Variants in ST3GAL4 observed in about 807,000 individuals in gnomAD.
ST3GAL4 encodes ST3 beta-galactoside alpha-2,3-sialyltransferase 4.
ST3GAL4 carries 24 observed loss-of-function variants against 42.6 expected under a neutral mutation model. That is an observed-to-expected ratio of 0.56 (90% CI 0.41 to 0.79). The LOEUF is 0.79. Ranked by LOEUF, ST3GAL4 falls within the 30% of genes least tolerant of loss-of-function variation. The pLI, the probability that ST3GAL4 is intolerant of heterozygous loss-of-function variation, is 0.00. For synonymous variants in ST3GAL4, 135 were observed against 163.2 expected, an observed-to-expected ratio of 0.83 and a Z score of 1.32; for missense variants, 311 against 430.8, an observed-to-expected ratio of 0.72 and a Z score of 2.46.
intron 1 of ST3GAL4, among the ~76,000 whole-genome samples, chr11:126,390,119 C>CG (rs1555086677): frequency 6.6e-6 from 1 of 151,368 alleles, no homozygotes; most frequent in African/African-American, 2.4e-5. Flanking sequence ...GGAGGCAGAG[C>CG]TGCAGTGAGC....
chr11:126,390,688 G>T (rs1953478754), intron 1 of ST3GAL4, among the ~76,000 whole-genome samples: 1 of 148,548 alleles, frequency 6.7e-6, no homozygotes, highest in Admixed American at 6.8e-5. Context: ...CAAGCACGAG[G>T]TTGTATTTAC....
rs1475490881 is a variant in ST3GAL4 at position 126,376,349 on chromosome 11, C to G, written c.-61+20507C>G. Among the ~76,000 whole-genome samples, 1 of 152,020 alleles carries G rather than the reference C, an allele frequency of 6.6e-6. No homozygotes were observed. The highest frequency in any genetic ancestry group is 1.9e-4 in the East Asian group (1 of 5,198). Reference sequence around the variant, plus strand: ...AGAAGTGAATTGGGAAACAGAAAACCGAAAGAGGTTTAGTGGCCCAATGAC... The same window carrying G: ...AGAAGTGAATTGGGAAACAGAAAACGGAAAGAGGTTTAGTGGCCCAATGAC... On this transcript the variant is annotated intron_variant, in intron 1 of 10. Transcript: ENST00000444328. This position sits in a 1 kb window ranked among gnomAD's most constrained non-coding sequence, Gnocchi z 5.1.
Position 126,409,446 on chromosome 11 carries a change from C to T in ST3GAL4, c.771+35C>T. 1 of 1,613,790 alleles carries T rather than the reference C, an allele frequency of 6.2e-7. No homozygotes were observed. The highest frequency in any genetic ancestry group is 8.5e-7 in the Non-Finnish European group (1 of 1,179,742). Reference sequence around the variant, plus strand: ...GGAAGTCAGGCCTGAGGGCTAGGATCCTGGGCGGGAAGTAGGAGGGATGAT... The same window carrying T: ...GGAAGTCAGGCCTGAGGGCTAGGATTCTGGGCGGGAAGTAGGAGGGATGAT... On this transcript the variant is annotated intron_variant, in intron 9 of 10. Coordinates refer to ENST00000444328, the MANE Select transcript of ST3GAL4 (RefSeq NM_001254757.2). This position sits in a 1 kb window ranked among gnomAD's most constrained non-coding sequence, Gnocchi z 4.9.
At chr11:126,371,938 T>C (rs1435363188) in intron 1 of ST3GAL4, among the ~76,000 whole-genome samples, 2 of 150,806 alleles carry the variant, frequency 1.3e-5, no homozygotes, top group Admixed American at 1.3e-4. Context: ...CCCTGGTTAC[T>C]AGTGAGCCTG....
In ST3GAL4 at chr11:126,408,209, C is replaced by T. The variant is rs956216213; in HGVS notation, c.437+15C>T. On this transcript the variant is annotated intron_variant, in intron 7 of 10. Transcript: ENST00000444328. Reference sequence around the variant, plus strand: ...GTGGTCATCAGGTGTGTGTGACTGTCTCTTCCTACTGTTGTTTGGGAACTG... The same window carrying T: ...GTGGTCATCAGGTGTGTGTGACTGTTTCTTCCTACTGTTGTTTGGGAACTG... 6.2e-7 allele frequency: 1 copy of T among 1,613,986 alleles called. No individual in the cohort carries two copies. The highest frequency in any genetic ancestry group is 8.5e-7 in the Non-Finnish European group (1 of 1,179,862).
chr11:126,401,566 A>AAAG (rs1034428868), intron 1 of ST3GAL4, among the ~76,000 whole-genome samples: 1 of 151,030 alleles, frequency 6.6e-6, no homozygotes, highest in Admixed American at 6.6e-5. Flanking sequence ...AGAAAAAAAA[A>AAAG]AAGAAGAAGA....
At chr11:126,404,539 G>A (rs1286196562) in intron 1 of ST3GAL4, among the ~76,000 whole-genome samples, 6 of 152,236 alleles carry the variant, frequency 3.9e-5, no homozygotes, top group Non-Finnish European at 7.3e-5. Context: ...CTATGAAGGC[G>A]AGGAGGGCCA....
intron 1 of ST3GAL4, among the ~76,000 whole-genome samples, chr11:126,356,732 C>A (rs531611232): frequency 6.6e-6 from 1 of 152,260 alleles, no homozygotes; most frequent in Non-Finnish European, 1.5e-5. Flanking sequence ...TGGCACCCCC[C>A]ACAGGCCTCT....
chr11:126,402,859 C>A (rs569052114), intron 1 of ST3GAL4, among the ~76,000 whole-genome samples: 13 of 152,198 alleles, frequency 8.5e-5, no homozygotes, highest in African/African-American at 3.1e-4. Flanking sequence ...TGGTTCCTGG[C>A]AGAGCACCAA....
chr11:126,365,344 GGGA>G (rs1336576537), intron 1 of ST3GAL4, among the ~76,000 whole-genome samples: 1 of 151,866 alleles, frequency 6.6e-6, no homozygotes, highest in African/African-American at 2.4e-5. Flanking sequence ...CCTCAGGGCT[GGGA>G]GGAGGAGGAG....
intron 1 of ST3GAL4, among the ~76,000 whole-genome samples, chr11:126,388,558 A>G (rs1320592903): frequency 6.7e-6 from 1 of 150,184 alleles, no homozygotes; most frequent in Non-Finnish European, 1.5e-5. Context: ...TCTCGAACTC[A>G]TGACCTCAAA....
In ST3GAL4 at chr11:126,397,256, C is replaced by G. The variant is rs1452182604; in HGVS notation, c.-60-8840C>G. Among the ~76,000 whole-genome samples the G allele has an allele frequency of 6.6e-6, 1 of 152,046 alleles. No individual in the cohort carries two copies. The highest frequency in any genetic ancestry group is 1.5e-5 in the Non-Finnish European group (1 of 68,022). On this transcript the variant is annotated intron_variant, in intron 1 of 10. Transcript: ENST00000444328. The surrounding 1 kb of genome is among the most constrained non-coding windows in gnomAD (Gnocchi z 5.0). ...TAGAATCTGGAGATACAAAGAAGTT[C>G]CTGACCACAGAGGTCATTTAGGCAA... is the stretch of plus-strand genomic sequence containing the variant.
intron 1 of ST3GAL4, among the ~76,000 whole-genome samples, chr11:126,402,529 G>C (rs560780128): frequency 9.2e-5 from 14 of 151,556 alleles, no homozygotes; most frequent in African/African-American, 3.4e-4. Context: ...CACAGAACCA[G>C]CAAGTAAACC....
chr11:126,406,113 G>C lies in ST3GAL4; in HGVS notation c.-43G>C. 1.3e-6 allele frequency: 2 copies of C among 1,551,964 alleles called. No homozygotes were observed. Among genetic ancestry groups the C allele is most frequent in the Non-Finnish European group, 1.7e-6 (2 of 1,147,156 alleles). On this transcript the variant is annotated 5_prime_UTR_variant, in exon 2 of 11. Coordinates refer to ENST00000444328, the MANE Select transcript of ST3GAL4 (RefSeq NM_001254757.2). The surrounding 1 kb of genome is among the most constrained non-coding windows in gnomAD (Gnocchi z 5.4). ...TTTCCTAGGTGGCCCGAGGCAGCCGGGATGACAGCTCTCCCCAGGAATCCT... is the reference window on the plus strand; with the variant it reads ...TTTCCTAGGTGGCCCGAGGCAGCCGCGATGACAGCTCTCCCCAGGAATCCT...
chr11:126,391,051 T>A lies in ST3GAL4; in HGVS notation c.-60-15045T>A, dbSNP rs1953493677. Among the ~76,000 whole-genome samples the A allele has an allele frequency of 6.6e-6, 1 of 152,242 alleles. No homozygotes were observed. The highest frequency in any genetic ancestry group is 1.5e-5 in the Non-Finnish European group (1 of 68,038). On this transcript the variant is annotated intron_variant, in intron 1 of 10. Transcript: ENST00000444328. This position sits in a 1 kb window ranked among gnomAD's most constrained non-coding sequence, Gnocchi z 5.5. Reference sequence around the variant, plus strand: ...TCAGGCTGAATAATATTCCATTGTATGCGTAGACCACATTTTGTGGATCCG... The same window carrying A: ...TCAGGCTGAATAATATTCCATTGTAAGCGTAGACCACATTTTGTGGATCCG...
At chr11:126,390,618 CT>C (rs58153137) in intron 1 of ST3GAL4, among the ~76,000 whole-genome samples, 81 of 126,662 alleles carry the variant, frequency 6.4e-4, no homozygotes, top group Middle Eastern at 4.4e-3. Flanking sequence ...GTGTTCTTTG[CT>C]TTTTTTTTTT....
rs2135510175 is a variant in ST3GAL4 at position 126,398,261 on chromosome 11, A to G, written c.-60-7835A>G. Among the ~76,000 whole-genome samples the G allele has an allele frequency of 6.6e-6, 1 of 152,358 alleles. No individual in the cohort carries two copies. The highest frequency in any genetic ancestry group is 1.5e-5 in the Non-Finnish European group (1 of 68,036). ...GGCATAGGACAGATATTCCATTCCA[A>G]AAGGGAGAGATAGGCAAGAAGAAAG... On this transcript the variant is annotated intron_variant, in intron 1 of 10. Transcript: ENST00000444328. The surrounding 1 kb of genome is among the most constrained non-coding windows in gnomAD (Gnocchi z 4.7).
In ST3GAL4 at chr11:126,371,648, C is replaced by T. The variant is rs562442259; in HGVS notation, c.-61+15806C>T. Among the ~76,000 whole-genome samples the T allele has an allele frequency of 7.9e-5, 12 of 152,292 alleles. No individual in the cohort carries two copies. The South Asian group carries it at 1.9e-3, about 24-fold the overall frequency. On this transcript the variant is annotated intron_variant, in intron 1 of 10. Coordinates refer to ENST00000444328, the MANE Select transcript of ST3GAL4 (RefSeq NM_001254757.2). ...GACATGGCTATATAATATTCAGTTG[C>T]GTGAATGTAGCACAGCTTATGTAGC... is the stretch of plus-strand genomic sequence containing the variant.
At position 126,406,101 on chromosome 11, in the gene ST3GAL4, C is replaced by T. The variant is rs769389712; in HGVS notation, c.-55C>T. 33 of 1,551,540 alleles carry T rather than the reference C, an allele frequency of 2.1e-5. No individual in the cohort carries two copies. Among genetic ancestry groups the T allele is most frequent in the Admixed American group, 3.9e-5 (2 of 50,990 alleles). ...CTGTGGCTCTTATTTCCTAGGTGGCCCGAGGCAGCCGGGATGACAGCTCTC... is the reference window on the plus strand; with the variant it reads ...CTGTGGCTCTTATTTCCTAGGTGGCTCGAGGCAGCCGGGATGACAGCTCTC... On this transcript the variant is annotated 5_prime_UTR_variant, in exon 2 of 11. Coordinates refer to ENST00000444328, the MANE Select transcript of ST3GAL4 (RefSeq NM_001254757.2). The surrounding 1 kb of genome is among the most constrained non-coding windows in gnomAD (Gnocchi z 5.4).
Sources: allele counts gnomAD v4.1 joint callset (sites outside exome capture counted in the v4.1 genomes callset), GRCh38; gene constraint gnomAD v4.1.1; non-coding constraint Gnocchi (gnomAD v3.1); transcripts MANE v1.5; gene names NCBI Gene and HGNC (gene_info 2026-07-23, HGNC 2026-07-21).